Variants in TG observed in about 807,000 individuals in gnomAD.
TG encodes thyroid hormones.
A neutral mutation model predicts 324.7 loss-of-function variants in TG; 270 were observed. That is an observed-to-expected ratio of 0.83 (90% CI 0.75 to 0.92). The LOEUF is 0.92. TG is among the 40% of genes least tolerant of loss of function. TG has a pLI of 0.00. For missense variants in TG, 3,591 were observed against 3,456.4 expected (o/e 1.04, Z -0.98); for synonymous variants, 1,401 against 1,327.0 (o/e 1.06, Z -1.21).
chr8:132,995,631 C>G (rs1003061935), intron 35 of TG: 2 of 580,130 alleles, frequency 3.4e-6, no homozygotes, highest in African/African-American at 4.1e-5. Flanking sequence ...CTTAGGAGAC[C>G]CAATTCTTGT....
At chr8:133,031,144 GTAAC>G (rs1379893527) in intron 41 of TG, among the ~76,000 whole-genome samples, 2 of 152,046 alleles carry the variant, frequency 1.3e-5, no homozygotes, top group African/African-American at 4.8e-5. Context: ...TCAGCCCCTG[GTAAC>G]CACTACTCTA....
intron 35 of TG, among the ~76,000 whole-genome samples, chr8:132,999,651 T>C (rs561256217): frequency 6.6e-6 from 1 of 152,346 alleles, no homozygotes; most frequent in East Asian, 1.9e-4. Flanking sequence ...GAGTGAAGAA[T>C]AGGCCTATCA....
chr8:132,936,430 T>C (rs941805393), intron 25 of TG, among the ~76,000 whole-genome samples: 1 of 152,172 alleles, frequency 6.6e-6, no homozygotes, highest in Non-Finnish European at 1.5e-5. Flanking sequence ...AGTTAGTAAA[T>C]CATTGGTGTC....
intron 41 of TG, among the ~76,000 whole-genome samples, chr8:133,070,198 T>A (rs564502682): frequency 6.6e-6 from 1 of 152,242 alleles, no homozygotes; most frequent in Admixed American, 6.5e-5. Context: ...CCCACCATGC[T>A]GACTTCCAGT....
At chr8:132,955,451 T>G (rs1826715408) in intron 27 of TG, among the ~76,000 whole-genome samples, 1 of 152,216 alleles carries the variant, frequency 6.6e-6, no homozygotes, top group South Asian at 2.1e-4. Flanking sequence ...GATCCGTGAC[T>G]GATCACAGAC....
At chr8:133,002,800 G>A in intron 35 of TG, 1 of 232,552 alleles carries the variant, frequency 4.3e-6, no homozygotes, top group Non-Finnish European at 8.3e-6. Flanking sequence ...TGCTTAATGT[G>A]CTCAATACCC....
At chr8:132,931,078 G>A (rs1822650417) in intron 23 of TG, among the ~76,000 whole-genome samples, 1 of 152,228 alleles carries the variant, frequency 6.6e-6, no homozygotes, top group Non-Finnish European at 1.5e-5. Context: ...CTGGAGGCCA[G>A]AAGTCCAGGA....
chr8:132,922,630 G>A (rs1821269491), intron 21 of TG, among the ~76,000 whole-genome samples: 1 of 152,196 alleles, frequency 6.6e-6, no homozygotes. Flanking sequence ...AAACTGGGTG[G>A]CTTATAAACA....
rs142964664 is a variant in TG at position 133,009,460 on chromosome 8, C to A, written c.6263-2441C>A. ...AGTATGGAGGTTTACCTTCCTCTTG[C>A]CGGGCCTGGGTGAAACATTATGTTA... is the stretch of plus-strand genomic sequence containing the variant. On this transcript the variant is annotated intron_variant, in intron 35 of 47. Transcript: ENST00000220616. Among the ~76,000 whole-genome samples, 10 of 152,186 alleles carry A rather than the reference C, an allele frequency of 6.6e-5. No homozygotes were observed. In the East Asian group the frequency reaches 1.7e-3, roughly 27 times the overall value.
At chr8:132,988,967 G>C (rs971584489) in intron 35 of TG, 1 of 905,438 alleles carries the variant, frequency 1.1e-6, no homozygotes, top group African/African-American at 1.8e-5. Context: ...AGAAGAAAGA[G>C]GTTTAATTGG....
At chr8:132,883,448 A>G (rs1205340056) in intron 8 of TG, among the ~76,000 whole-genome samples, 1 of 152,150 alleles carries the variant, frequency 6.6e-6, no homozygotes. Context: ...TGTTCTCTAT[A>G]TAGAGAGCAG....
chr8:132,925,790 G>A (rs1317219389), intron 22 of TG, among the ~76,000 whole-genome samples: 1 of 152,174 alleles, frequency 6.6e-6, no homozygotes, highest in East Asian at 1.9e-4. Flanking sequence ...TTGCATCTCT[G>A]TCAATGGGTT....
In TG at chr8:132,941,494, G is replaced by A. The variant is rs1466257413; in HGVS notation, c.5185G>A (p.Asp1729Asn). ...TCACCTCTTCTGTCTTCTTGCATGC[G>A]ACCGTGATCTGTGTTGCGATGGCTT... Reference protein sequence around the residue: ...DAHLFCLLACDRDLCCDGFVL... With the variant: ...DAHLFCLLACNRDLCCDGFVL... Residue 1729 changes from aspartate (D) to asparagine (N), a missense_variant, in exon 26 of 48, where the codon GAC becomes AAC. Physicochemically the swap from Asp to Asn is conservative, Grantham distance 23. Coordinates refer to ENST00000220616, the MANE Select transcript of TG (RefSeq NM_003235.5). 5.6e-6 allele frequency: 9 copies of A among 1,614,122 alleles called. No homozygotes were observed. Among genetic ancestry groups the A allele is most frequent in the East Asian group, 4.5e-5 (2 of 44,882 alleles).
intron 35 of TG, chr8:132,983,700 T>C (rs1271702391): frequency 1.8e-5 from 9 of 508,514 alleles, no homozygotes; most frequent in Non-Finnish European, 2.9e-5. Flanking sequence ...TTTTAAGGAT[T>C]ATTTCGCCCT....
At position 132,905,960 on chromosome 8, in the gene TG, G is replaced by A. The variant is rs563770946; in HGVS notation, c.3635-728G>A. Among the ~76,000 whole-genome samples, 212 of 152,294 alleles carry A rather than the reference G, an allele frequency of 1.4e-3. 1 individual carries two copies. Among genetic ancestry groups the A allele is most frequent in the African/African-American group, 5.0e-3 (208 of 41,562 alleles). Reference sequence around the variant, plus strand: ...CAGATATTCCTGGAGGCATTGGGGAGCTGGAGGAGATGAGAGTGAAGAGGA... The same window carrying A: ...CAGATATTCCTGGAGGCATTGGGGAACTGGAGGAGATGAGAGTGAAGAGGA... On this transcript the variant is annotated intron_variant, in intron 16 of 47. Transcript: ENST00000220616.
intron 21 of TG, among the ~76,000 whole-genome samples, chr8:132,920,872 G>A (rs528630313): frequency 2.8e-4 from 43 of 152,332 alleles, no homozygotes; most frequent in East Asian, 1.3e-3. Flanking sequence ...GTAATAAAGG[G>A]TGTCTTAGGT....
intron 21 of TG, 46 bp from the exon 22 acceptor site, chr8:132,923,292 T>C (rs1356963625): frequency 4.3e-6 from 7 of 1,609,594 alleles, no homozygotes; most frequent in Non-Finnish European, 5.1e-6. Flanking sequence ...AGTCAGGGGA[T>C]TCCAGAGGCC....
At chr8:132,870,512 G>C (rs1351075813) in intron 3 of TG, among the ~76,000 whole-genome samples, 1 of 151,384 alleles carries the variant, frequency 6.6e-6, no homozygotes, top group East Asian at 1.9e-4. Flanking sequence ...TGAGGATTTA[G>C]AACACGTGTA....
chr8:132,975,684 A>C (rs1830092856), intron 34 of TG, among the ~76,000 whole-genome samples: 1 of 152,210 alleles, frequency 6.6e-6, no homozygotes. Flanking sequence ...AACACTTTGC[A>C]TGCACTATCT....
Sources: gnomAD v4.1 joint callset for allele counts (sites outside exome capture counted in the v4.1 genomes callset) on GRCh38, gnomAD v4.1.1 for gene constraint, MANE v1.5 for transcripts, NCBI Gene and HGNC (gene_info 2026-07-23, HGNC 2026-07-21) for gene names.